PTPRM: variants seen among roughly 807,000 people sequenced by gnomAD.
PTPRM encodes the protein protein tyrosine phosphatase receptor type M.
PTPRM carries 47 observed loss-of-function variants against 186.7 expected under a neutral mutation model. The observed-to-expected ratio is 0.25, with a 90% CI of 0.20 to 0.32. The LOEUF (loss-of-function observed/expected upper bound fraction) is 0.32, where lower values mean the gene tolerates loss of function less well. PTPRM is among the 10% of genes least tolerant of loss of function. The pLI, the probability that PTPRM is intolerant of heterozygous loss-of-function variation, is 1.00. For missense variants in PTPRM, 1,494 were observed against 1,865.0 expected (o/e 0.80, Z 3.66); for synonymous variants, 668 against 674.9 (o/e 0.99, Z 0.16).
chr18:8,296,878 G>A (rs964052205), intron 20 of PTPRM, among the ~76,000 whole-genome samples: 3 of 152,138 alleles, frequency 2.0e-5, no homozygotes, highest in Admixed American at 6.5e-5. Context: ...AGGTAGGTCA[G>A]TAATAGCCCC....
At chr18:8,351,884 G>C (rs2095536224) in intron 23 of PTPRM, among the ~76,000 whole-genome samples, 1 of 152,126 alleles carries the variant, frequency 6.6e-6, no homozygotes, top group African/African-American at 2.4e-5. Context: ...CTCAACACCA[G>C]CTCCTCCAGG....
chr18:7,985,001 TTG>T (rs1353616346), intron 7 of PTPRM, among the ~76,000 whole-genome samples: 1 of 120,580 alleles, frequency 8.3e-6, no homozygotes, highest in African/African-American at 3.3e-5. Context: ...ATACATATAA[TTG>T]TATATACATA....
intron 1 of PTPRM, among the ~76,000 whole-genome samples, chr18:7,739,789 CT>C (rs2040850745): frequency 6.6e-6 from 1 of 152,216 alleles, no homozygotes; most frequent in Non-Finnish European, 1.5e-5. Context: ...GTTCTATCAC[CT>C]ATGCTGGTGG....
intron 7 of PTPRM, among the ~76,000 whole-genome samples, chr18:8,036,773 A>T (rs2086360004): frequency 6.6e-6 from 1 of 152,218 alleles, no homozygotes; most frequent in Admixed American, 6.5e-5. Flanking sequence ...TTGAAGACTT[A>T]ATTTGGGCGC....
intron 1 of PTPRM, among the ~76,000 whole-genome samples, chr18:7,732,272 G>C (rs2040676186): frequency 6.6e-6 from 1 of 152,122 alleles, no homozygotes; most frequent in Non-Finnish European, 1.5e-5. Context: ...AGTAGGGCGA[G>C]GGGAAGGGCC....
intron 22 of PTPRM, among the ~76,000 whole-genome samples, chr18:8,328,661 C>G (rs1376487882): frequency 1.3e-5 from 2 of 152,174 alleles, no homozygotes; most frequent in Non-Finnish European, 2.9e-5. Flanking sequence ...GATTTATATA[C>G]AGGCGAACAG....
At chr18:7,602,304 G>A (rs2037421827) in intron 1 of PTPRM, among the ~76,000 whole-genome samples, 1 of 152,196 alleles carries the variant, frequency 6.6e-6, no homozygotes, top group African/African-American at 2.4e-5. Flanking sequence ...TAAAAGGACT[G>A]TGAAGGAGGA....
chr18:8,287,520 A>G (rs1031158372), intron 19 of PTPRM, among the ~76,000 whole-genome samples: 3 of 152,214 alleles, frequency 2.0e-5, no homozygotes, highest in Non-Finnish European at 2.9e-5. Context: ...GCAATAATGC[A>G]GGCAAGAGAT....
chr18:7,636,897 A>T (rs1301753028), intron 1 of PTPRM, among the ~76,000 whole-genome samples: 1 of 152,102 alleles, frequency 6.6e-6, no homozygotes, highest in Non-Finnish European at 1.5e-5. Flanking sequence ...GCTGGGTGTG[A>T]TGGCTCACTC....
chr18:8,074,641 G>A (rs1314172617), intron 8 of PTPRM, among the ~76,000 whole-genome samples: 1 of 152,102 alleles, frequency 6.6e-6, no homozygotes, highest in East Asian at 1.9e-4. Flanking sequence ...GATTTACAGC[G>A]CTTGCTAGCT....
At chr18:8,398,167 G>C (rs551785581) in intron 32 of PTPRM, among the ~76,000 whole-genome samples, 1 of 151,170 alleles carries the variant, frequency 6.6e-6, no homozygotes, top group Non-Finnish European at 1.5e-5. Context: ...TATTTTTTTA[G>C]AGATGGGAGT....
chr18:8,265,740 T>A lies in PTPRM; in HGVS notation c.2754+12326T>A, dbSNP rs867178011. Among the ~76,000 whole-genome samples, 1,386 of 152,274 alleles carry A rather than the reference T, an allele frequency of 9.1e-3. 25 individuals carry two copies. Among genetic ancestry groups the A allele is most frequent in the African/African-American group, 0.032 (1,335 of 41,550 alleles). ...ATCAGAAGGCAAATGTGGGTCATGG[T>A]TCCTCTCTGCGAACTCTCTAACACT... On this transcript the variant is annotated intron_variant, in intron 19 of 32. Coordinates refer to ENST00000580170, the MANE Select transcript of PTPRM (RefSeq NM_001105244.2).
chr18:8,179,023 G>C (rs2093532329), intron 14 of PTPRM, among the ~76,000 whole-genome samples: 1 of 151,978 alleles, frequency 6.6e-6, no homozygotes, highest in Non-Finnish European at 1.5e-5. Flanking sequence ...CACTGTACAG[G>C]GACTGCATAC....
intron 2 of PTPRM, among the ~76,000 whole-genome samples, chr18:7,823,382 A>T (rs1308708895): frequency 2.6e-5 from 4 of 152,236 alleles, no homozygotes; most frequent in Non-Finnish European, 5.9e-5. Flanking sequence ...AAGGATGCCC[A>T]TGGACAGGGG....
intron 3 of PTPRM, among the ~76,000 whole-genome samples, chr18:7,906,094 G>A (rs2049966612): frequency 6.6e-6 from 1 of 151,980 alleles, no homozygotes; most frequent in South Asian, 2.1e-4. Context: ...TGAAACTGTT[G>A]GAGAGGTAAC....
intron 7 of PTPRM, among the ~76,000 whole-genome samples, chr18:8,063,824 C>T: frequency 6.6e-6 from 1 of 152,168 alleles, no homozygotes. Context: ...GAATGACTAG[C>T]CCAGGGTCCA....
chr18:8,297,281 C>A (rs532987757), intron 20 of PTPRM, among the ~76,000 whole-genome samples: 1 of 152,210 alleles, frequency 6.6e-6, no homozygotes, highest in Admixed American at 6.5e-5. Context: ...GAGAACATCT[C>A]GCTCCTCGTG....
At chr18:7,864,700 G>A (rs2047584141) in intron 2 of PTPRM, among the ~76,000 whole-genome samples, 3 of 152,140 alleles carry the variant, frequency 2.0e-5, no homozygotes. Context: ...GGTTCCATAT[G>A]ATATTTAAAG....
intron 13 of PTPRM, among the ~76,000 whole-genome samples, chr18:8,123,771 C>T (rs1410651174): frequency 6.6e-6 from 1 of 152,178 alleles, no homozygotes; most frequent in Non-Finnish European, 1.5e-5. Flanking sequence ...GTTAGGAGTC[C>T]ATCTTGAAGG....
Sources: gnomAD v4.1 joint callset for allele counts (sites outside exome capture counted in the v4.1 genomes callset) on GRCh38, gnomAD v4.1.1 for gene constraint, MANE v1.5 for transcripts, NCBI Gene and HGNC (gene_info 2026-07-23, HGNC 2026-07-21) for gene names.